The following TMEM248 variants were observed in gnomAD, a reference collection of about 807,000 sequenced individuals.
TMEM248 encodes transmembrane protein 248, also known as UPF0458 protein C7orf42.
A neutral mutation model predicts 30.3 loss-of-function variants in TMEM248; 9 were observed. The observed-to-expected ratio is 0.30, with a 90% confidence interval of 0.18 to 0.52. TMEM248 has a LOEUF of 0.52. Ranked by LOEUF, TMEM248 falls within the 20% of genes least tolerant of loss-of-function variation. The probability of loss-of-function intolerance (pLI) is 0.97; values close to 1 mark genes in which losing one functional copy is unlikely to be tolerated. For missense variants in TMEM248, 338 were observed against 403.3 expected (o/e 0.84, Z 1.39); for synonymous variants, 184 against 154.4 (o/e 1.19, Z -1.42).
chr7:66,939,503 C>CT (rs1791891270), intron 1 of TMEM248, among the ~76,000 whole-genome samples: 1 of 152,162 alleles, frequency 6.6e-6, no homozygotes, highest in Non-Finnish European at 1.5e-5. Context: ...CTTTTTGTCT[C>CT]TAAAATTTAA....
chr7:66,938,734 C>T (rs1263909575), intron 1 of TMEM248, among the ~76,000 whole-genome samples: 1 of 152,192 alleles, frequency 6.6e-6, no homozygotes, highest in Non-Finnish European at 1.5e-5. Context: ...TCTTGAACTC[C>T]TGACCTCGTG....
At chr7:66,931,297 C>CAAAAAAA (rs758131446) in intron 1 of TMEM248, among the ~76,000 whole-genome samples, 12 of 64,370 alleles carry the variant, frequency 1.9e-4, no homozygotes, top group East Asian at 4.4e-4. Flanking sequence ...GACAATATCT[C>CAAAAAAA]AAAAAAAAAA....
At position 66,946,203 on chromosome 7, in the gene TMEM248, G is replaced by A. The variant is rs191316493; in HGVS notation, c.445+942G>A. ...TTTGAACCCAAGACGTGGAGGTTGC[G>A]GTGAGCCGAGATTGCACCACTGCAC... On this transcript the variant is annotated intron_variant, in intron 3 of 6. Transcript: ENST00000341567. Among the ~76,000 whole-genome samples the A allele has an allele frequency of 3.1e-3, 470 of 152,066 alleles. 3 individuals are homozygous for A. The highest frequency in any genetic ancestry group is 4.9e-3 in the Non-Finnish European group (330 of 67,970).
chr7:66,954,025 C>T (rs528102034), intron 6 of TMEM248, among the ~76,000 whole-genome samples: 1 of 147,036 alleles, frequency 6.8e-6, no homozygotes, highest in South Asian at 2.2e-4. Flanking sequence ...CTCACTGCAA[C>T]CTCTGCCTCC....
intron 1 of TMEM248, among the ~76,000 whole-genome samples, chr7:66,927,568 T>C (rs1167712573): frequency 6.6e-6 from 1 of 151,750 alleles, no homozygotes; most frequent in Non-Finnish European, 1.5e-5. Flanking sequence ...GCCCTCCCAA[T>C]TAGCTGGGAC....
At chr7:66,942,562 C>T (rs1791991748) in intron 2 of TMEM248, among the ~76,000 whole-genome samples, 1 of 152,234 alleles carries the variant, frequency 6.6e-6, no homozygotes, top group African/African-American at 2.4e-5. Context: ...GTGGCGTACT[C>T]TCAGCTCACT....
intron 1 of TMEM248, among the ~76,000 whole-genome samples, chr7:66,928,138 C>G (rs368243835): frequency 6.6e-6 from 1 of 151,990 alleles, no homozygotes; most frequent in Non-Finnish European, 1.5e-5. Flanking sequence ...TCACTCGAAC[C>G]CAGGAAGCAG....
chr7:66,957,388 C>T lies in TMEM248; in HGVS notation c.*1866C>T, dbSNP rs1792430407. On this transcript the variant is annotated 3_prime_UTR_variant, in exon 7 of 7. Coordinates refer to ENST00000341567, the MANE Select transcript of TMEM248 (RefSeq NM_017994.5). ...TGATATGTTAGTATTTTTCTTTTTC[C>T]TTTTAGTATGTTTCAAGTGCAGTAA... 1 of 152,062 alleles carries T rather than the reference C, an allele frequency of 6.6e-6. No homozygotes were observed. The highest frequency in any genetic ancestry group is 2.1e-4 in the South Asian group (1 of 4,830). 9.4% of individuals were successfully genotyped at this position (152,062 alleles called of 1,614,324 possible).
At chr7:66,934,895 A>C (rs1164729675) in intron 1 of TMEM248, among the ~76,000 whole-genome samples, 1 of 151,990 alleles carries the variant, frequency 6.6e-6, no homozygotes, top group Non-Finnish European at 1.5e-5. Context: ...CTACTTAAAA[A>C]AAGACAAAAA....
chr7:66,954,129 A>G (rs1051098937), intron 6 of TMEM248, among the ~76,000 whole-genome samples: 2 of 149,680 alleles, frequency 1.3e-5, no homozygotes, highest in African/African-American at 2.5e-5. Flanking sequence ...TTTTTAGTAG[A>G]TACAGGGTTT....
rs770777361 is a variant in TMEM248 at position 66,941,974 on chromosome 7, C to T, written c.109C>T (p.Leu37=). The T allele has an allele frequency of 2.5e-6, 4 of 1,614,016 alleles. No individual in the cohort carries two copies. The African/African-American group carries it at 5.3e-5, about 22-fold the overall frequency. The change falls in exon 2 of 7, where the codon CTG becomes TTG. Residue 37 remains leucine (L), a synonymous_variant. Transcript: ENST00000341567. ...CGCCATGGCCATAGCTTTCCTGACC[C>T]TGGGCTACTTCTTCAAAATCAAGGA... ...VSAMAIAFLT[L]GYFFKIKEIK... is the part of the protein sequence containing the mutation.
intron 1 of TMEM248, among the ~76,000 whole-genome samples, chr7:66,925,723 G>A (rs1027085582): frequency 6.8e-6 from 1 of 147,750 alleles, no homozygotes; most frequent in Non-Finnish European, 1.5e-5. Flanking sequence ...ACAGAGTCTC[G>A]CTCTGTTGCC....
intron 1 of TMEM248, among the ~76,000 whole-genome samples, chr7:66,929,128 C>T (rs577299752): frequency 8.7e-4 from 133 of 152,226 alleles, no homozygotes; most frequent in Non-Finnish European, 1.4e-3. Context: ...TTTATTGGAC[C>T]GAAGTAGAAC....
intron 5 of TMEM248, among the ~76,000 whole-genome samples, chr7:66,952,403 C>T (rs1396298142): frequency 6.6e-6 from 1 of 152,208 alleles, no homozygotes; most frequent in African/African-American, 2.4e-5. Context: ...CATTTGTAGG[C>T]CAGGGTCCTG....
Position 66,921,424 on chromosome 7 carries a change from G to C in TMEM248, c.-56G>C, listed in dbSNP as rs1791381239. The stretch of plus-strand genomic sequence containing the variant: ...CGGGCGTCCGCCGAGCAGCTGGCCC[G>C]GCTGGGCCCGGGGCGCGCAGCTGCC... On this transcript the variant is annotated 5_prime_UTR_variant, in exon 1 of 7. Coordinates refer to ENST00000341567, the MANE Select transcript of TMEM248 (RefSeq NM_017994.5). The C allele has an allele frequency of 6.7e-6, 1 of 149,980 alleles. No individual in the cohort carries two copies. Among genetic ancestry groups the C allele is most frequent in the African/African-American group, 2.4e-5 (1 of 41,194 alleles). 9.3% of individuals were successfully genotyped at this position (149,980 alleles called of 1,614,324 possible).
intron 1 of TMEM248, among the ~76,000 whole-genome samples, chr7:66,923,110 CTGTTCAGGATTTTGTT>C (rs1172783072): frequency 1.3e-5 from 2 of 151,922 alleles, no homozygotes; most frequent in African/African-American, 4.8e-5. Flanking sequence ...GGTATACCAA[CTGTTCAGGATTTTGTT>C]ATGGTTAGGA....
intron 1 of TMEM248, among the ~76,000 whole-genome samples, chr7:66,935,575 C>G (rs1459823372): frequency 6.6e-6 from 1 of 152,214 alleles, no homozygotes; most frequent in African/African-American, 2.4e-5. Flanking sequence ...CGGAGTCTTA[C>G]TTTGTTGTGC....
chr7:66,945,280 C>T lies in TMEM248; in HGVS notation c.445+19C>T. 4 of 1,606,424 alleles carry T rather than the reference C, an allele frequency of 2.5e-6. No homozygotes were observed. The highest frequency in any genetic ancestry group is 3.4e-6 in the Non-Finnish European group (4 of 1,173,814). ...CTTTCAGGTATGCAGTAGCCACTCT[C>T]CACTCAGGCTCCTTAGGCAACCACT... On this transcript the variant is annotated intron_variant, in intron 3 of 6. Coordinates refer to ENST00000341567, the MANE Select transcript of TMEM248 (RefSeq NM_017994.5).
chr7:66,956,188 C>G lies in TMEM248; in HGVS notation c.*666C>G, dbSNP rs532073711. 2.6e-5 allele frequency: 4 copies of G among 152,192 alleles called. No homozygotes were observed. Among genetic ancestry groups the G allele is most frequent in the African/African-American group, 7.2e-5 (3 of 41,500 alleles). 9.4% of individuals were successfully genotyped at this position (152,192 alleles called of 1,614,324 possible). A position where few individuals can be genotyped will look rare whatever the true frequency, so the allele number is the denominator to read the frequency against. Reference sequence around the variant, plus strand: ...GGACAGACTTGTGCTTTTATCCTGACTAAAAAGTTAAATATTTAAGTCACA... The same window carrying G: ...GGACAGACTTGTGCTTTTATCCTGAGTAAAAAGTTAAATATTTAAGTCACA... On this transcript the variant is annotated 3_prime_UTR_variant, in exon 7 of 7. Coordinates refer to ENST00000341567, the MANE Select transcript of TMEM248 (RefSeq NM_017994.5).
Sources: allele counts gnomAD v4.1 joint callset (sites outside exome capture counted in the v4.1 genomes callset), GRCh38; gene constraint gnomAD v4.1.1; transcripts MANE v1.5; gene names NCBI Gene and HGNC (gene_info 2026-07-23, HGNC 2026-07-21).